The following USH1C variants were observed in gnomAD, a reference collection of about 807,000 sequenced individuals.
The protein encoded by USH1C is harmonin.
In USH1C, 90 loss-of-function variants were observed where a neutral mutation model predicts 119.3. That is an observed-to-expected ratio of 0.75 (90% confidence interval 0.64 to 0.90). The LOEUF is 0.90. Ranked by LOEUF, USH1C falls within the 40% of genes least tolerant of loss-of-function variation. USH1C has a pLI of 0.00. For synonymous variants in USH1C, 465 were observed against 443.3 expected (o/e 1.05, Z -0.62); for missense variants, 1,165 against 1,167.7 (o/e 1.00, Z 0.03).
intron 20 of USH1C, 81 bp from the exon 21 acceptor site, chr11:17,502,061 C>T (rs564989612): frequency 4.5e-4 from 666 of 1,475,548 alleles, no homozygotes; most frequent in Non-Finnish European, 5.9e-4. Flanking sequence ...GATGAATGGT[C>T]GGAATCCAAG....
At position 17,536,832 on chromosome 11, in the gene USH1C, T is replaced by C. The variant is rs147923741; in HGVS notation, c.37-3510A>G. Among the ~76,000 whole-genome samples, 1,114 of 152,352 alleles carry C rather than the reference T, an allele frequency of 7.3e-3. 16 individuals are homozygous for C. The highest frequency in any genetic ancestry group is 0.025 in the African/African-American group (1,044 of 41,576). The stretch of plus-strand genomic sequence containing the variant: ...ACTTGTCTATTTAAACAATTCTCTA[T>C]AGACCATACCAGCTAACAGGGAAAA... On this transcript the variant is annotated intron_variant, in intron 1 of 26. Coordinates refer to ENST00000005226, the MANE Select transcript of USH1C (RefSeq NM_153676.4).
intron 11 of USH1C, 122 bp from the exon 12 acceptor site, chr11:17,523,048 A>G (rs929010448): frequency 1.3e-6 from 2 of 1,580,402 alleles, no homozygotes; most frequent in South Asian, 2.2e-5. Context: ...GGCTCCCGCA[A>G]TCCCTGACCC....
At chr11:17,526,696 C>T in intron 7 of USH1C, 57 bp downstream of exon 7, 1 of 1,573,256 alleles carries the variant, frequency 6.4e-7, no homozygotes, top group South Asian at 1.1e-5. Context: ...CAGGACCGGC[C>T]ACCCCTCCTT....
In USH1C at chr11:17,501,116, A is replaced by G. The variant is rs760325149; in HGVS notation, c.2315T>C (p.Val772Ala). Residue 772 changes from valine to alanine, a missense_variant, in exon 23 of 27, where the codon GTG becomes GCG. Physicochemically the swap from Val to Ala is moderately conservative, Grantham distance 64. Coordinates refer to ENST00000005226, the MANE Select transcript of USH1C (RefSeq NM_153676.4). ...GSLDLALEGG[V>A]DSPIGKVVVS... ...GACCACCTTCCCAATGGGGGAGTCC[A>G]CACCGCCTTCCAGGGCCAGGTCTAA... The G allele has an allele frequency of 3.1e-6, 5 of 1,614,036 alleles. No individual in the cohort carries two copies. The South Asian group carries it at 5.5e-5, about 18-fold the overall frequency.
chr11:17,520,368 G>C (rs1447337312), intron 14 of USH1C, among the ~76,000 whole-genome samples: 1 of 152,082 alleles, frequency 6.6e-6, no homozygotes, highest in African/African-American at 2.4e-5. Context: ...CTCCATCCTT[G>C]GTCCACATAC....
At chr11:17,506,022 C>T (rs1307862286) in intron 18 of USH1C, 73 bp from the exon 19 acceptor site, 6 of 1,607,626 alleles carry the variant, frequency 3.7e-6, no homozygotes, top group Non-Finnish European at 5.1e-6. Flanking sequence ...GCTACTTCTA[C>T]ACACATGCAA....
At position 17,524,383 on chromosome 11, in the gene USH1C, C is replaced by T. The variant is rs1271639738; in HGVS notation, c.759+68G>A. Reference sequence around the variant, plus strand: ...CATGTGGAAAGGCACCTGCCCCTGTCACCGCGGGATCACAGTCTGACCCAA... The same window carrying T: ...CATGTGGAAAGGCACCTGCCCCTGTTACCGCGGGATCACAGTCTGACCCAA... On this transcript the variant is annotated intron_variant, in intron 9 of 26. Transcript: ENST00000005226. The T allele has an allele frequency of 3.3e-6, 5 of 1,512,956 alleles. No homozygotes were observed. In the South Asian group the frequency reaches 3.6e-5, roughly 11 times the overall value. 93.7% of individuals were successfully genotyped at this position (1,512,956 alleles called of 1,614,324 possible). A position where few individuals can be genotyped will look rare whatever the true frequency, so the allele number is the denominator to read the frequency against.
In USH1C at chr11:17,524,534, T is replaced by G. The variant is rs1361568962; in HGVS notation, c.676A>C (p.Ile226Leu). The change falls in exon 9 of 27, where the codon ATT becomes CTT. Residue 226 changes from isoleucine (I) to leucine (L), a missense_variant and splice_region_variant. Transcript: ENST00000005226. ...LVGSRGLGCS[I>L]SSGPIQKPGI... The stretch of plus-strand genomic sequence containing the variant: ...GGCTTCTGGATGGGGCCGCTGGAAA[T>G]GCTGCGGGAGGTGGGAAATGTGTGC... The G allele has an allele frequency of 6.4e-7, 1 of 1,558,514 alleles. No homozygotes were observed. Among genetic ancestry groups the G allele is most frequent in the Non-Finnish European group, 8.7e-7 (1 of 1,150,170 alleles).
At chr11:17,535,750 T>C (rs1348102934) in intron 1 of USH1C, among the ~76,000 whole-genome samples, 1 of 152,186 alleles carries the variant, frequency 6.6e-6, no homozygotes, top group Non-Finnish European at 1.5e-5. Flanking sequence ...CAGGAGCTTT[T>C]CATGGGCTTT....
In USH1C at chr11:17,534,142, G is replaced by A. The variant is rs899936797; in HGVS notation, c.37-820C>T. Among the ~76,000 whole-genome samples the A allele has an allele frequency of 2.0e-5, 3 of 152,366 alleles. No homozygotes were observed. In the South Asian group the frequency reaches 6.2e-4, roughly 32 times the overall value. ...GCCCAAGAACGGGTAACAGAGCAAG[G>A]TGGAAGCTTGGGGGGTCACTGGGTC... On this transcript the variant is annotated intron_variant, in intron 1 of 26. Coordinates refer to ENST00000005226, the MANE Select transcript of USH1C (RefSeq NM_153676.4).
At chr11:17,509,151 T>C (rs1849758879) in intron 18 of USH1C, among the ~76,000 whole-genome samples, 1 of 152,160 alleles carries the variant, frequency 6.6e-6, no homozygotes, top group African/African-American at 2.4e-5. Context: ...CCATTCACCA[T>C]ACAATACAGC....
intron 18 of USH1C, among the ~76,000 whole-genome samples, chr11:17,507,873 C>T (rs1849710593): frequency 6.6e-6 from 1 of 152,218 alleles, no homozygotes; most frequent in Non-Finnish European, 1.5e-5. Flanking sequence ...CTCTACTCTA[C>T]AGAGGTGTCT....
rs1267390267 is a variant in USH1C, at chr11:17,495,094, A to G, written c.2655+475T>C. On this transcript the variant is annotated intron_variant, in intron 26 of 26. Transcript: ENST00000005226. ...CTGGTTCTGGCCAAGTGTGGGGGCC[A>G]TGGTGGAGCAAGAGCTCCCAGGAGG... The G allele has an allele frequency of 1.6e-5, 4 of 247,472 alleles. No homozygotes were observed. In the Admixed American group the frequency reaches 2.0e-4, roughly 12 times the overall value. The allele number at this position is 247,472 out of a possible 1,614,324, so 15.3% of individuals were successfully genotyped here.
At chr11:17,502,733 C>T (rs940468663) in intron 20 of USH1C, among the ~76,000 whole-genome samples, 6 of 152,196 alleles carry the variant, frequency 3.9e-5, no homozygotes, top group African/African-American at 1.4e-4. Flanking sequence ...GGCACCTGAA[C>T]ACACAGTGAG....
chr11:17,503,983 A>G (rs1340150703), intron 20 of USH1C, among the ~76,000 whole-genome samples: 1 of 152,124 alleles, frequency 6.6e-6, no homozygotes, highest in Non-Finnish European at 1.5e-5. Flanking sequence ...GAGGCTGGAG[A>G]AGCCTGGGCT....
intron 18 of USH1C, among the ~76,000 whole-genome samples, chr11:17,507,934 T>C (rs995523482): frequency 6.6e-6 from 1 of 152,216 alleles, no homozygotes; most frequent in Non-Finnish European, 1.5e-5. Flanking sequence ...CTTATGCATA[T>C]TTTATAGCAG....
In USH1C at chr11:17,501,958, C is replaced by T. The variant is rs746211878; in HGVS notation, c.2207G>A (p.Gly736Asp). The T allele has an allele frequency of 5.0e-6, 8 of 1,613,788 alleles. No homozygotes were observed. The highest frequency in any genetic ancestry group is 3.3e-5 in the South Asian group (3 of 91,014). ...TCTTACCATAGAGTAGGGGTCAAAG[C>T]CTTCCTCATATTTCCGGAAATCCTG... ...FRQDFRKYEE[G>D]FDPYSMFTPE... is the part of the protein sequence containing the mutation. Residue 736 changes from glycine to aspartate, a missense_variant, in exon 21 of 27, where the codon GGC becomes GAC. Physicochemically the swap from Gly to Asp is moderately conservative, Grantham distance 94 (BLOSUM62 -1). Transcript: ENST00000005226.
At chr11:17,495,104 A>G in intron 26 of USH1C, 1 of 247,614 alleles carries the variant, frequency 4.0e-6, no homozygotes, top group East Asian at 9.7e-5. Context: ...ATGGTGGAGC[A>G]AGAGCTCCCA....
chr11:17,520,425 T>C (rs1850359529), intron 14 of USH1C, among the ~76,000 whole-genome samples: 1 of 152,158 alleles, frequency 6.6e-6, no homozygotes, highest in Non-Finnish European at 1.5e-5. Flanking sequence ...CCCACAGTTA[T>C]GAATCAACCT....
Sources: allele counts gnomAD v4.1 joint callset (sites outside exome capture counted in the v4.1 genomes callset), GRCh38; gene constraint gnomAD v4.1.1; transcripts MANE v1.5; gene names NCBI Gene and HGNC (gene_info 2026-07-23, HGNC 2026-07-21).